Variants in TXNRD1 observed in about 807,000 individuals in gnomAD.
The protein encoded by TXNRD1 is thioredoxin reductase 1, cytoplasmic.
A neutral mutation model predicts 80.3 loss-of-function variants in TXNRD1; 57 were observed. The ratio of observed to expected loss-of-function variants is 0.71; its 90% CI spans 0.57 to 0.89. The LOEUF is 0.89. Among genes scored for constraint, TXNRD1 ranks in the 40% least tolerant of loss-of-function variants. The pLI, the probability that TXNRD1 is intolerant of heterozygous loss-of-function variation, is 0.00. For synonymous variants in TXNRD1, 291 were observed against 285.2 expected (o/e 1.02, Z -0.20); for missense variants, 730 against 803.0 (o/e 0.91, Z 1.10).
intron 1 of TXNRD1, among the ~76,000 whole-genome samples, chr12:104,229,987 C>A (rs2135682214): frequency 6.6e-6 from 1 of 152,220 alleles, no homozygotes; most frequent in South Asian, 2.1e-4. Context: ...GTACAAGTTT[C>A]ATGTACACAT....
intron 2 of TXNRD1, among the ~76,000 whole-genome samples, chr12:104,252,683 TATATATA>T (rs1565863329): frequency 8.9e-6 from 1 of 112,368 alleles, no homozygotes; most frequent in Non-Finnish European, 1.7e-5. Context: ...TATATATATA[TATATATA>T]TTTTTTTTTT....
At chr12:104,241,466 G>A (rs1489247561) in intron 1 of TXNRD1, among the ~76,000 whole-genome samples, 2 of 151,934 alleles carry the variant, frequency 1.3e-5, no homozygotes. Flanking sequence ...CGCCTCCCAC[G>A]TTGAAGCGAT....
chr12:104,243,744 G>A (rs952553972), intron 1 of TXNRD1, among the ~76,000 whole-genome samples: 8 of 152,174 alleles, frequency 5.3e-5, no homozygotes, highest in Admixed American at 1.3e-4. Context: ...GCAGAGTGGC[G>A]TGCTATAAAA....
At chr12:104,270,737 T>C (rs149215056) in intron 3 of TXNRD1, among the ~76,000 whole-genome samples, 141 of 152,288 alleles carry the variant, frequency 9.3e-4, no homozygotes, top group African/African-American at 3.2e-3. Flanking sequence ...AATGTATGTT[T>C]TTCCTCCGAG....
At chr12:104,232,172 C>T (rs879453542) in intron 1 of TXNRD1, among the ~76,000 whole-genome samples, 3 of 152,176 alleles carry the variant, frequency 2.0e-5, no homozygotes, top group Non-Finnish European at 2.9e-5. Flanking sequence ...TAAAGCCAAG[C>T]CCAGCCATGG....
intron 4 of TXNRD1, among the ~76,000 whole-genome samples, chr12:104,297,829 A>G (rs1224284463): frequency 1.3e-5 from 2 of 152,208 alleles, no homozygotes; most frequent in Admixed American, 1.3e-4. Flanking sequence ...TAGTAGCCAC[A>G]TACCCAGTCC....
chr12:104,277,694 C>T (rs531361066), intron 3 of TXNRD1, among the ~76,000 whole-genome samples: 3 of 151,480 alleles, frequency 2.0e-5, no homozygotes, highest in African/African-American at 7.3e-5. Context: ...AGAAGGTTAC[C>T]GGGGTTTTTT....
At chr12:104,235,574 G>A (rs1205128648) in intron 1 of TXNRD1, among the ~76,000 whole-genome samples, 1 of 152,210 alleles carries the variant, frequency 6.6e-6, no homozygotes, top group African/African-American at 2.4e-5. Context: ...CCAGTAAAAG[G>A]GATAATAAGG....
intron 3 of TXNRD1, among the ~76,000 whole-genome samples, chr12:104,273,985 G>A (rs2033706608): frequency 6.6e-6 from 1 of 152,112 alleles, no homozygotes; most frequent in African/African-American, 2.4e-5. Flanking sequence ...TCCGGGAGGT[G>A]GAGTTGCAGT....
chr12:104,298,693 T>C lies in TXNRD1; in HGVS notation c.414+9653T>C, dbSNP rs151158522. On this transcript the variant is annotated intron_variant, in intron 4 of 16. Coordinates refer to ENST00000525566, the MANE Select transcript of TXNRD1 (RefSeq NM_001093771.3). ...GAGCTGAGATCACACCATTGCACTCTAGCTTGGGCAACCAAGCGAGACTCT... is the reference window on the plus strand; with the variant it reads ...GAGCTGAGATCACACCATTGCACTCCAGCTTGGGCAACCAAGCGAGACTCT... Among the ~76,000 whole-genome samples, 425 of 152,114 alleles carry C rather than the reference T, an allele frequency of 2.8e-3. 4 individuals carry two copies. Among genetic ancestry groups the C allele is most frequent in the African/African-American group, 9.9e-3 (411 of 41,498 alleles).
intron 2 of TXNRD1, among the ~76,000 whole-genome samples, chr12:104,251,926 T>C (rs574249586): frequency 6.6e-6 from 1 of 152,124 alleles, no homozygotes; most frequent in African/African-American, 2.4e-5. Context: ...TAGCCCAACG[T>C]GGTGTCATGT....
intron 16 of TXNRD1, chr12:104,339,560 A>C: frequency 2.1e-6 from 1 of 472,902 alleles, no homozygotes. Context: ...CATGGCAATC[A>C]GTTAATAATG....
At chr12:104,307,410 C>T (rs2034962423) in intron 4 of TXNRD1, among the ~76,000 whole-genome samples, 1 of 152,200 alleles carries the variant, frequency 6.6e-6, no homozygotes, top group Non-Finnish European at 1.5e-5. Flanking sequence ...TAGTTCCAGG[C>T]AATTTCCCTT....
intron 1 of TXNRD1, among the ~76,000 whole-genome samples, chr12:104,250,438 C>G (rs186083839): frequency 6.6e-5 from 10 of 152,212 alleles, no homozygotes; most frequent in African/African-American, 2.2e-4. Context: ...AAAAAGACTT[C>G]TATATTTTAA....
At chr12:104,347,850 G>C (rs2135905744) in intron 16 of TXNRD1, among the ~76,000 whole-genome samples, 1 of 152,230 alleles carries the variant, frequency 6.6e-6, no homozygotes, top group African/African-American at 2.4e-5. Context: ...CAAAAAAGCA[G>C]GGTAACAAAA....
chr12:104,245,554 TA>T (rs1375229929), intron 1 of TXNRD1, among the ~76,000 whole-genome samples: 2 of 105,856 alleles, frequency 1.9e-5, no homozygotes, highest in South Asian at 6.0e-4. Flanking sequence ...AATACTGAGT[TA>T]AAAGGTATGG....
chr12:104,246,377 A>G (rs1441474658), intron 1 of TXNRD1, among the ~76,000 whole-genome samples: 271 of 146,694 alleles, frequency 1.8e-3, no homozygotes, highest in African/African-American at 6.3e-3. Context: ...GCAGTGAGCC[A>G]AGATCGCGCC....
intron 1 of TXNRD1, among the ~76,000 whole-genome samples, chr12:104,249,675 C>T (rs1206394830): frequency 6.6e-6 from 1 of 152,020 alleles, no homozygotes; most frequent in Admixed American, 6.6e-5. Context: ...GTGGTTCACG[C>T]CTGTAATCTT....
intron 1 of TXNRD1, among the ~76,000 whole-genome samples, chr12:104,223,262 AAAC>A (rs1212510512): frequency 4.6e-5 from 7 of 152,204 alleles, no homozygotes; most frequent in Non-Finnish European, 1.5e-5. Context: ...AAAATGTTTA[AAAC>A]AACTGTGAGC....
Sources: gnomAD v4.1 joint callset for allele counts (sites outside exome capture counted in the v4.1 genomes callset) on GRCh38, gnomAD v4.1.1 for gene constraint, MANE v1.5 for transcripts, NCBI Gene and HGNC (gene_info 2026-07-23, HGNC 2026-07-21) for gene names.